Variants in KLHL1 observed in about 807,000 individuals in gnomAD.
KLHL1 encodes kelch like family member 1.
Under a neutral mutation model 77.7 loss-of-function variants are expected in KLHL1, and 47 were observed. The observed-to-expected ratio is 0.60, with a 90% CI of 0.48 to 0.77. The LOEUF (loss-of-function observed/expected upper bound fraction) is 0.77. KLHL1 is among the 30% of genes least tolerant of loss of function. The pLI is 0.00. For missense variants in KLHL1, 925 were observed against 910.8 expected (o/e 1.02, Z -0.20); for synonymous variants, 360 against 325.2 (o/e 1.11, Z -1.15).
chr13:69,763,615 G>A (rs936315664), intron 7 of KLHL1, among the ~76,000 whole-genome samples: 1 of 152,210 alleles, frequency 6.6e-6, no homozygotes, highest in Non-Finnish European at 1.5e-5. Context: ...ATAAATGATA[G>A]TAATTGGTAG....
chr13:70,073,985 CCGGCTAATTTTTGTATTTTTACTA>C (rs1887201431), intron 1 of KLHL1, among the ~76,000 whole-genome samples: 1 of 151,806 alleles, frequency 6.6e-6, no homozygotes, highest in Non-Finnish European at 1.5e-5. Context: ...GAAACCACAC[CCGGCTAATTTTTGTATTTTTACTA>C]GAGATGGGGT....
chr13:70,064,074 C>T (rs181091208), intron 1 of KLHL1, among the ~76,000 whole-genome samples: 504 of 152,064 alleles, frequency 3.3e-3, no homozygotes, highest in Admixed American at 5.1e-3. Context: ...AGTTAGAGGA[C>T]GGATTAATGG....
At chr13:70,090,831 T>A (rs1445809002) in intron 1 of KLHL1, among the ~76,000 whole-genome samples, 1 of 152,250 alleles carries the variant, frequency 6.6e-6, no homozygotes, top group African/African-American at 2.4e-5. Context: ...TTGTGACAAC[T>A]TTCTATTAAA....
At chr13:69,820,753 G>T (rs752599062) in intron 6 of KLHL1, among the ~76,000 whole-genome samples, 2 of 152,166 alleles carry the variant, frequency 1.3e-5, no homozygotes, top group African/African-American at 2.4e-5. Flanking sequence ...AGAAAAGCAG[G>T]TAGAACAGGA....
At position 69,818,431 on chromosome 13, in the gene KLHL1, G is replaced by A. The variant is rs368344935; in HGVS notation, c.1414+20545C>T. On this transcript the variant is annotated intron_variant, in intron 6 of 10. Transcript: ENST00000377844. ...AGATGGGGTTTCACCATGTTGGTCA[G>A]GCTGGTCTCCATCTCTTGACCTCGT... Among the ~76,000 whole-genome samples, 11 of 152,020 alleles carry A rather than the reference G, an allele frequency of 7.2e-5. No homozygotes were observed. The East Asian group carries it at 1.6e-3, about 21-fold the overall frequency.
rs1199626192 is a variant in KLHL1 at position 69,838,977 on chromosome 13, T to C, written c.1413A>G (p.Lys471=). ...LYAVGGMDNN[K]GATTIEKYDL... ...TTATATAAATCCAGAATTAAATACC[T>C]TTGTTGTTATCCATTCCTCCTACAG... The change falls in exon 6 of 11, where the codon AAA becomes AAG. Residue 471 remains lysine, a splice_region_variant and synonymous_variant. Transcript: ENST00000377844. 2.5e-6 allele frequency: 4 copies of C among 1,598,932 alleles called. No homozygotes were observed. The highest frequency in any genetic ancestry group is 3.4e-6 in the Non-Finnish European group (4 of 1,172,546).
rs1293649378 is a variant in KLHL1 at position 69,971,780 on chromosome 13, TTG to T, written c.680+3838_680+3839del. The stretch of plus-strand genomic sequence containing the variant: ...GTTTATCTTTAATTCCTCAAGTATA[TTG>T]AAAACTCTACAAGGAAAAACATTAT... On this transcript the variant is annotated intron_variant, in intron 2 of 10. Transcript: ENST00000377844. 3.3e-5 allele frequency among the ~76,000 whole-genome samples: 5 copies of T among 152,078 alleles called. No homozygotes were observed. The East Asian group carries it at 9.6e-4, about 29-fold the overall frequency.
chr13:69,822,919 C>T (rs1878394716), intron 6 of KLHL1, among the ~76,000 whole-genome samples: 1 of 151,742 alleles, frequency 6.6e-6, no homozygotes, highest in South Asian at 2.1e-4. Flanking sequence ...ATGTGCAATT[C>T]AGTTTTTTCA....
chr13:69,869,493 T>G (rs562841170), intron 5 of KLHL1, among the ~76,000 whole-genome samples: 1 of 152,166 alleles, frequency 6.6e-6, no homozygotes, highest in Non-Finnish European at 1.5e-5. Flanking sequence ...TATTTATCAC[T>G]TTTAACAATA....
intron 1 of KLHL1, among the ~76,000 whole-genome samples, chr13:70,076,948 G>A (rs1265115602): frequency 6.6e-6 from 1 of 151,772 alleles, no homozygotes; most frequent in Non-Finnish European, 1.5e-5. Flanking sequence ...TATTACAATT[G>A]CCAAGATGCT....
At chr13:69,785,717 G>A (rs1005333306) in intron 7 of KLHL1, among the ~76,000 whole-genome samples, 11 of 151,980 alleles carry the variant, frequency 7.2e-5, no homozygotes, top group Admixed American at 1.3e-4. Context: ...ATGAATCCAG[G>A]AGCTGCTTTT....
At chr13:69,725,928 T>C (rs1349729106) in intron 8 of KLHL1, among the ~76,000 whole-genome samples, 1 of 152,122 alleles carries the variant, frequency 6.6e-6, no homozygotes, top group Non-Finnish European at 1.5e-5. Flanking sequence ...TACTTTATCA[T>C]AGGTAGCTTT....
chr13:69,796,182 T>G (rs1246922104), intron 7 of KLHL1, among the ~76,000 whole-genome samples: 3 of 152,196 alleles, frequency 2.0e-5, no homozygotes, highest in African/African-American at 4.8e-5. Context: ...CACAGGAAGA[T>G]GTCAAGAAAT....
intron 7 of KLHL1, among the ~76,000 whole-genome samples, chr13:69,762,738 C>T (rs1875086364): frequency 2.0e-5 from 3 of 149,640 alleles, no homozygotes; most frequent in Non-Finnish European, 3.0e-5. Context: ...ATTTCTCTGC[C>T]ATCATGAGAC....
At chr13:70,103,622 G>C (rs1887977175) in intron 1 of KLHL1, among the ~76,000 whole-genome samples, 1 of 152,024 alleles carries the variant, frequency 6.6e-6, no homozygotes, top group Admixed American at 6.6e-5. Flanking sequence ...AAGAGATGTG[G>C]GACATGCATA....
At chr13:69,792,742 G>T (rs1305363948) in intron 7 of KLHL1, among the ~76,000 whole-genome samples, 1 of 152,056 alleles carries the variant, frequency 6.6e-6, no homozygotes, top group African/African-American at 2.4e-5. Flanking sequence ...ACCTGAAATT[G>T]ACTTTAAAAC....
At chr13:69,993,900 A>G (rs964177533) in intron 1 of KLHL1, among the ~76,000 whole-genome samples, 5 of 152,138 alleles carry the variant, frequency 3.3e-5, no homozygotes, top group Non-Finnish European at 5.9e-5. Flanking sequence ...TGAGAAATAT[A>G]GAGATCACAT....
chr13:69,977,728 T>C (rs112015474), intron 1 of KLHL1, among the ~76,000 whole-genome samples: 5 of 152,228 alleles, frequency 3.3e-5, no homozygotes, highest in African/African-American at 9.6e-5. Context: ...AACCTCTTCC[T>C]CTTGAGATGC....
chr13:69,757,706 C>T (rs1874814564), intron 7 of KLHL1, among the ~76,000 whole-genome samples: 1 of 152,068 alleles, frequency 6.6e-6, no homozygotes, highest in Admixed American at 6.6e-5. Flanking sequence ...AATCCCAGCA[C>T]TTTGGGAGGC....
Sources: gnomAD v4.1 joint callset for allele counts (sites outside exome capture counted in the v4.1 genomes callset) on GRCh38, gnomAD v4.1.1 for gene constraint, MANE v1.5 for transcripts, NCBI Gene and HGNC (gene_info 2026-07-23, HGNC 2026-07-21) for gene names.